The following GLCE variants were observed in gnomAD, a reference collection of about 807,000 sequenced individuals.
The protein encoded by GLCE is D-glucuronyl C5-epimerase.
A neutral mutation model predicts 47.9 loss-of-function variants in GLCE; 19 were observed. That is an observed-to-expected ratio of 0.40 (90% CI 0.28 to 0.58). The LOEUF is 0.58. GLCE is among the 20% of genes least tolerant of loss of function. The pLI is 0.48. For synonymous variants in GLCE, 245 were observed against 263.4 expected, an observed-to-expected ratio of 0.93 and a Z score of 0.68; for missense variants, 556 against 743.3, an observed-to-expected ratio of 0.75 and a Z score of 2.93.
intron 2 of GLCE, among the ~76,000 whole-genome samples, chr15:69,226,589 A>G (rs534559965): frequency 2.8e-4 from 42 of 152,312 alleles, no homozygotes; most frequent in African/African-American, 1.0e-3. Context: ...TTATACTAAA[A>G]TGGATTCCAA....
chr15:69,197,663 T>C (rs1484930525), intron 1 of GLCE, among the ~76,000 whole-genome samples: 1 of 152,150 alleles, frequency 6.6e-6, no homozygotes, highest in African/African-American at 2.4e-5. Context: ...GTGGAAGATG[T>C]TGGTGACCTT....
rs551523145 is a variant in GLCE, at chr15:69,270,227, A to G, written c.*983A>G. 1 of 152,314 alleles carries G rather than the reference A, an allele frequency of 6.6e-6. No homozygotes were observed. The highest frequency in any genetic ancestry group is 2.4e-5 in the African/African-American group (1 of 41,566). 9.4% of individuals were successfully genotyped at this position (152,314 alleles called of 1,614,324 possible). ...ATAAAAATATTAGATCAAATACTAT[A>G]TGCAAGAAATCATAGCAAAGTTTTT... is the stretch of plus-strand genomic sequence containing the variant. On this transcript the variant is annotated 3_prime_UTR_variant, in exon 5 of 5. Transcript: ENST00000261858.
intron 1 of GLCE, among the ~76,000 whole-genome samples, chr15:69,171,191 CAATAT>C (rs1185140061): frequency 6.6e-6 from 1 of 152,044 alleles, no homozygotes; most frequent in Non-Finnish European, 1.5e-5. Context: ...CAATCACCCT[CAATAT>C]AAACATATTT....
Position 69,175,249 on chromosome 15 carries a change from ATTTTTCC to A in GLCE, c.-105+14493_-105+14499del, listed in dbSNP as rs1336741448. On this transcript the variant is annotated intron_variant, in intron 1 of 4. Coordinates refer to ENST00000261858, the MANE Select transcript of GLCE (RefSeq NM_015554.3). ...TTTAAAAATGAAAAATAAGAAAAAG[ATTTTTCC>A]ATCATCCTCACATTCTTAATACCAC... 3.9e-5 allele frequency among the ~76,000 whole-genome samples: 6 copies of A among 152,254 alleles called. No homozygotes were observed. The East Asian group carries it at 9.6e-4, about 24-fold the overall frequency.
In GLCE at chr15:69,242,645, T is replaced by C. The variant is rs575428678; in HGVS notation, c.-13-13149T>C. Among the ~76,000 whole-genome samples the C allele has an allele frequency of 5.3e-5, 8 of 152,276 alleles. No individual in the cohort carries two copies. The East Asian group carries it at 1.2e-3, about 22-fold the overall frequency. ...GCAAACAACTTTCCTTCTACTAGTA[T>C]GAAAAAGTGGTTGGTCTGGAACCAG... On this transcript the variant is annotated intron_variant, in intron 2 of 4. Transcript: ENST00000261858.
intron 1 of GLCE, among the ~76,000 whole-genome samples, chr15:69,180,473 T>C (rs539542817): frequency 6.6e-6 from 1 of 152,186 alleles, no homozygotes; most frequent in East Asian, 1.9e-4. Flanking sequence ...GGGAATAAAG[T>C]ATGGGAGGAG....
chr15:69,176,745 A>T (rs75797487), intron 1 of GLCE, among the ~76,000 whole-genome samples: 1,756 of 152,332 alleles, frequency 0.012, 26 homozygotes, highest in African/African-American at 0.038. Flanking sequence ...TACATAGCAG[A>T]TTCCAAATGT....
intron 2 of GLCE, among the ~76,000 whole-genome samples, chr15:69,211,892 A>G (rs1301211170): frequency 1.3e-5 from 2 of 152,000 alleles, no homozygotes; most frequent in Non-Finnish European, 2.9e-5. Flanking sequence ...TGTGTGAGGT[A>G]TCTTTGCTTT....
intron 1 of GLCE, chr15:69,196,481 C>A: frequency 5.7e-6 from 1 of 175,144 alleles, no homozygotes; most frequent in South Asian, 1.5e-4. Flanking sequence ...CAAAATGGGT[C>A]ATAAAGCAGC....
intron 2 of GLCE, among the ~76,000 whole-genome samples, chr15:69,252,890 A>G (rs1248714185): frequency 2.0e-5 from 3 of 152,230 alleles, no homozygotes; most frequent in Non-Finnish European, 2.9e-5. Flanking sequence ...GGTTTCTCAT[A>G]GTAATAATGC....
intron 2 of GLCE, among the ~76,000 whole-genome samples, chr15:69,232,531 G>C (rs10152528): frequency 0.68 from 103,781 of 151,920 alleles, 36,822 homozygotes; most frequent in Non-Finnish European, 0.77. Flanking sequence ...AAATAGAAAT[G>C]ATTGAGTTAT....
chr15:69,259,282 T>C (rs12905798), intron 3 of GLCE, among the ~76,000 whole-genome samples: 77,530 of 152,022 alleles, frequency 0.51, 23,373 homozygotes, highest in Admixed American at 0.66. Context: ...TTGTTAGAGA[T>C]GTTTCTTCAA....
chr15:69,244,456 A>C (rs12441356), intron 2 of GLCE, among the ~76,000 whole-genome samples: 18,769 of 152,224 alleles, frequency 0.12, 1,228 homozygotes, highest in East Asian at 0.16. Flanking sequence ...AACTTTAACC[A>C]AAACAAGACC....
At chr15:69,239,685 G>T (rs1316905790) in intron 2 of GLCE, among the ~76,000 whole-genome samples, 1 of 152,152 alleles carries the variant, frequency 6.6e-6, no homozygotes, top group Non-Finnish European at 1.5e-5. Context: ...ACTGCAGTAG[G>T]TTGAAATGTA....
At chr15:69,219,685 A>G (rs1417723845) in intron 2 of GLCE, among the ~76,000 whole-genome samples, 1 of 152,078 alleles carries the variant, frequency 6.6e-6, no homozygotes, top group Non-Finnish European at 1.5e-5. Context: ...GATTATTGCC[A>G]GTTCTGTGAT....
intron 1 of GLCE, among the ~76,000 whole-genome samples, chr15:69,204,743 G>A (rs1181452604): frequency 6.6e-6 from 1 of 152,118 alleles, no homozygotes; most frequent in African/African-American, 2.4e-5. Flanking sequence ...CTAAGCAGAT[G>A]TCAGGATTTA....
At chr15:69,255,549 C>T (rs910358457) in intron 2 of GLCE, among the ~76,000 whole-genome samples, 1 of 152,096 alleles carries the variant, frequency 6.6e-6, no homozygotes, top group African/African-American at 2.4e-5. Flanking sequence ...AAGGGAGCCA[C>T]AAACTAAGAA....
chr15:69,176,572 T>C (rs1417248880), intron 1 of GLCE, among the ~76,000 whole-genome samples: 1 of 152,076 alleles, frequency 6.6e-6, no homozygotes, highest in Non-Finnish European at 1.5e-5. Flanking sequence ...CACTGCAATA[T>C]AGAATACAAA....
intron 2 of GLCE, among the ~76,000 whole-genome samples, chr15:69,234,598 C>A (rs756823049): frequency 3.3e-5 from 5 of 152,026 alleles, no homozygotes; most frequent in Non-Finnish European, 7.4e-5. Flanking sequence ...TCTGCTTCAC[C>A]ACCTTATTTT....
Sources: gnomAD v4.1 joint callset for allele counts (sites outside exome capture counted in the v4.1 genomes callset) on GRCh38, gnomAD v4.1.1 for gene constraint, MANE v1.5 for transcripts, NCBI Gene and HGNC (gene_info 2026-07-23, HGNC 2026-07-21) for gene names.